Variants in ANGPT2 observed in about 807,000 individuals in gnomAD.
The protein encoded by ANGPT2 is angiopoietin 2.
A neutral mutation model predicts 62.9 loss-of-function variants in ANGPT2; 28 were observed. That is an observed-to-expected ratio of 0.44 (90% CI 0.33 to 0.61). ANGPT2 has a LOEUF of 0.61. Among genes scored for constraint, ANGPT2 ranks in the 20% least tolerant of loss-of-function variants. The pLI is 0.03. For missense variants in ANGPT2, 727 were observed against 594.9 expected (o/e 1.22, Z -2.31); for synonymous variants, 284 against 207.8 (o/e 1.37, Z -3.15).
intron 7 of ANGPT2, among the ~76,000 whole-genome samples, chr8:6,509,913 C>A (rs2129566208): frequency 6.6e-6 from 1 of 152,276 alleles, no homozygotes; most frequent in East Asian, 1.9e-4. Flanking sequence ...TGGCTCGCTG[C>A]CGCTGCCTGG....
chr8:6,533,456 C>T (rs920719190), intron 1 of ANGPT2, among the ~76,000 whole-genome samples: 1 of 151,988 alleles, frequency 6.6e-6, no homozygotes, highest in African/African-American at 2.4e-5. Flanking sequence ...CCCTAGTTTC[C>T]TCATATGTAA....
At chr8:6,521,054 G>A in intron 4 of ANGPT2, 124 bp downstream of exon 4, 1 of 667,850 alleles carries the variant, frequency 1.5e-6, no homozygotes, top group Non-Finnish European at 2.5e-6. Flanking sequence ...TTAATTGGTA[G>A]ATATTTCATA....
At chr8:6,514,890 C>T in intron 5 of ANGPT2, 112 bp from the exon 6 acceptor site, 1 of 842,320 alleles carries the variant, frequency 1.2e-6, no homozygotes, top group Non-Finnish European at 1.9e-6. Flanking sequence ...AGAGGGTTCT[C>T]TGGGATATAA....
At chr8:6,542,623 G>A (rs1238320272) in intron 1 of ANGPT2, among the ~76,000 whole-genome samples, 1 of 151,700 alleles carries the variant, frequency 6.6e-6, no homozygotes, top group East Asian at 1.9e-4. Flanking sequence ...TGCTGTCTGA[G>A]GAGCATTAAC....
Position 6,502,745 on chromosome 8 carries a change from T to C in ANGPT2, c.*356A>G, listed in dbSNP as rs1271904739. The C allele has an allele frequency of 3.6e-6, 1 of 279,840 alleles. No individual in the cohort carries two copies. Among genetic ancestry groups the C allele is most frequent in the Non-Finnish European group, 6.9e-6 (1 of 145,942 alleles). The allele number at this position is 279,840 out of a possible 1,614,324, so 17.3% of individuals were successfully genotyped here. On this transcript the variant is annotated 3_prime_UTR_variant, in exon 9 of 9. Transcript: ENST00000629816. ...CAGTTCCAAGATGATCTGTATTGTA[T>C]AACATAAGTGTTCTGTTTTCCAGTT...
At chr8:6,534,001 C>T (rs1168867448) in intron 1 of ANGPT2, among the ~76,000 whole-genome samples, 3 of 152,048 alleles carry the variant, frequency 2.0e-5, no homozygotes, top group Admixed American at 6.6e-5. Context: ...GTTTCCGATG[C>T]CCCCTCGCCA....
At chr8:6,538,388 G>A (rs11989215) in intron 1 of ANGPT2, among the ~76,000 whole-genome samples, 90,556 of 151,942 alleles carry the variant, frequency 0.6, 27,645 homozygotes, top group Middle Eastern at 0.68. Flanking sequence ...CTTTCATCCC[G>A]CTGTCAGAGT....
At chr8:6,561,457 C>T (rs961943339) in intron 1 of ANGPT2, among the ~76,000 whole-genome samples, 1 of 152,132 alleles carries the variant, frequency 6.6e-6, no homozygotes, top group African/African-American at 2.4e-5. Flanking sequence ...TGAGGAGCAC[C>T]GATTAGGCTC....
intron 1 of ANGPT2, among the ~76,000 whole-genome samples, chr8:6,542,763 G>A (rs184835557): frequency 1.3e-5 from 2 of 152,294 alleles, no homozygotes; most frequent in Admixed American, 1.3e-4. Context: ...GGAGCTCTGT[G>A]GAGGAGGTAG....
At chr8:6,509,101 T>C in intron 7 of ANGPT2, 39 bp from the exon 8 acceptor site, 1 of 1,597,912 alleles carries the variant, frequency 6.3e-7, no homozygotes, top group Non-Finnish European at 8.5e-7. Flanking sequence ...TTGGCTAGGG[T>C]CATTGATTTA....
At chr8:6,546,637 A>T (rs1484209719) in intron 1 of ANGPT2, among the ~76,000 whole-genome samples, 1 of 152,230 alleles carries the variant, frequency 6.6e-6, no homozygotes, top group East Asian at 1.9e-4. Flanking sequence ...TAACCGCTTA[A>T]TACAAGCAAC....
At chr8:6,534,571 A>T (rs1820162099) in intron 1 of ANGPT2, among the ~76,000 whole-genome samples, 1 of 152,228 alleles carries the variant, frequency 6.6e-6, no homozygotes, top group African/African-American at 2.4e-5. Flanking sequence ...ATCTGGCTGA[A>T]GCCTTAGTTT....
intron 1 of ANGPT2, among the ~76,000 whole-genome samples, chr8:6,536,730 C>G (rs908330405): frequency 2.0e-5 from 3 of 152,092 alleles, no homozygotes; most frequent in Non-Finnish European, 4.4e-5. Context: ...CACCACGTAT[C>G]AAGGATAATG....
At chr8:6,533,096 A>G (rs751692702) in intron 1 of ANGPT2, among the ~76,000 whole-genome samples, 3 of 152,118 alleles carry the variant, frequency 2.0e-5, no homozygotes, top group Admixed American at 6.5e-5. Flanking sequence ...ATTTTTCCTA[A>G]CATGTATGCA....
chr8:6,512,859 G>A (rs980888929), intron 7 of ANGPT2, among the ~76,000 whole-genome samples: 1 of 152,214 alleles, frequency 6.6e-6, no homozygotes, highest in Admixed American at 6.5e-5. Context: ...TGTATTTCCT[G>A]TAGAGGAGAG....
intron 2 of ANGPT2, among the ~76,000 whole-genome samples, chr8:6,531,009 A>G (rs1819404076): frequency 6.6e-6 from 1 of 152,132 alleles, no homozygotes; most frequent in South Asian, 2.1e-4. Flanking sequence ...CTTTTTTTAA[A>G]AGTATTCCTT....
chr8:6,509,110 T>C lies in ANGPT2; in HGVS notation c.1197-48A>G, dbSNP rs2129565875. On this transcript the variant is annotated intron_variant, in intron 7 of 8. Transcript: ENST00000629816. ...AACACATTGGCTAGGGTCATTGATT[T>C]ACCGTAGTGGCAAATTTTTTGTGAT... 1.9e-6 allele frequency: 3 copies of C among 1,586,616 alleles called. No homozygotes were observed. The South Asian group carries it at 3.4e-5, about 18-fold the overall frequency.
At chr8:6,504,341 T>C (rs962890961) in intron 8 of ANGPT2, among the ~76,000 whole-genome samples, 23 of 121,450 alleles carry the variant, frequency 1.9e-4, no homozygotes, top group African/African-American at 6.8e-4. Flanking sequence ...AAAAAAAGAA[T>C]GTATAAACCT....
intron 8 of ANGPT2, chr8:6,507,561 C>G (rs1814003166): frequency 6.8e-6 from 1 of 146,554 alleles, no homozygotes; most frequent in Non-Finnish European, 1.5e-5. Context: ...AGAAAAATAA[C>G]ACTTTCTTTT....
Sources: gnomAD v4.1 joint callset for allele counts (sites outside exome capture counted in the v4.1 genomes callset) on GRCh38, gnomAD v4.1.1 for gene constraint, MANE v1.5 for transcripts, NCBI Gene and HGNC (gene_info 2026-07-23, HGNC 2026-07-21) for gene names.